Variants in GHR observed in about 807,000 individuals in gnomAD.
The protein encoded by GHR is growth hormone receptor, also known as GH receptor.
A neutral mutation model predicts 67.1 loss-of-function variants in GHR; 35 were observed. That is an observed-to-expected ratio of 0.52 (90% CI 0.40 to 0.69). The LOEUF (loss-of-function observed/expected upper bound fraction) is 0.69. Ranked by LOEUF, GHR falls within the 30% of genes least tolerant of loss-of-function variation. The pLI is 0.00. For synonymous variants in GHR, 272 were observed against 269.1 expected (o/e 1.01, Z -0.10); for missense variants, 792 against 764.6 (o/e 1.04, Z -0.42).
At chr5:42,523,678 A>C (rs1287662009) in intron 1 of GHR, among the ~76,000 whole-genome samples, 1 of 152,062 alleles carries the variant, frequency 6.6e-6, no homozygotes, top group African/African-American at 2.4e-5. Flanking sequence ...TATTGAAATT[A>C]GGAGCGTTAA....
intron 3 of GHR, among the ~76,000 whole-genome samples, chr5:42,684,820 G>A (rs1433027256): frequency 6.6e-6 from 1 of 152,086 alleles, no homozygotes; most frequent in African/African-American, 2.4e-5. Flanking sequence ...TGTGCTCCCA[G>A]GGCTAAAGAC....
intron 3 of GHR, among the ~76,000 whole-genome samples, chr5:42,683,330 T>G (rs1369726222): frequency 6.6e-6 from 1 of 152,196 alleles, no homozygotes; most frequent in Non-Finnish European, 1.5e-5. Flanking sequence ...ACTGAGGGCC[T>G]CTACTTCTTG....
At chr5:42,648,473 A>T (rs1754854679) in intron 3 of GHR, among the ~76,000 whole-genome samples, 1 of 152,100 alleles carries the variant, frequency 6.6e-6, no homozygotes, top group African/African-American at 2.4e-5. Flanking sequence ...CAACACATGT[A>T]TTGGAGGATA....
At chr5:42,700,844 T>C (rs1757897683) in intron 6 of GHR, among the ~76,000 whole-genome samples, 1 of 152,054 alleles carries the variant, frequency 6.6e-6, no homozygotes, top group Admixed American at 6.6e-5. Flanking sequence ...AAAGTTAAGT[T>C]TGGAGGAAAT....
chr5:42,531,989 T>C (rs1747992907), intron 1 of GHR, among the ~76,000 whole-genome samples: 1 of 152,124 alleles, frequency 6.6e-6, no homozygotes, highest in African/African-American at 2.4e-5. Context: ...TAGCTTTTTT[T>C]TTTTTTGGCA....
At chr5:42,551,077 C>T (rs750089287) in intron 1 of GHR, among the ~76,000 whole-genome samples, 26 of 152,288 alleles carry the variant, frequency 1.7e-4, no homozygotes, top group Middle Eastern at 3.4e-3. Context: ...GATCCCCTCC[C>T]GCACGCATAC....
intron 1 of GHR, chr5:42,466,886 G>A: frequency 2.7e-6 from 4 of 1,467,690 alleles, no homozygotes; most frequent in South Asian, 3.1e-5. Flanking sequence ...TTCCTTACTT[G>A]TTGTTCAACA....
chr5:42,661,162 C>T (rs1040731711), intron 3 of GHR, among the ~76,000 whole-genome samples: 1 of 152,118 alleles, frequency 6.6e-6, no homozygotes, highest in African/African-American at 2.4e-5. Context: ...AGAATGGAAC[C>T]AAGTTGGAAA....
At chr5:42,604,170 G>A (rs982756240) in intron 2 of GHR, among the ~76,000 whole-genome samples, 1 of 152,234 alleles carries the variant, frequency 6.6e-6, no homozygotes, top group Non-Finnish European at 1.5e-5. Context: ...ACATGTAGAT[G>A]AGTTCTTGTT....
In GHR at chr5:42,590,837, G is replaced by A. The variant is rs144211394; in HGVS notation, c.70+24893G>A. On this transcript the variant is annotated intron_variant, in intron 2 of 9. Transcript: ENST00000230882. ...TGAGGCTGGAACAAGGTGTACAGAA[G>A]TGAAATGACCACTTGCTTTCTCTAT... Among the ~76,000 whole-genome samples the A allele has an allele frequency of 2.6e-5, 4 of 152,338 alleles. No homozygotes were observed. The East Asian group carries it at 7.7e-4, about 29-fold the overall frequency.
intron 1 of GHR, among the ~76,000 whole-genome samples, chr5:42,473,617 G>A (rs1024198851): frequency 1.3e-5 from 2 of 152,100 alleles, no homozygotes; most frequent in Non-Finnish European, 2.9e-5. Context: ...AGTGGATCAC[G>A]CCTGTAATCC....
intron 7 of GHR, among the ~76,000 whole-genome samples, chr5:42,713,099 A>G (rs533656606): frequency 3.1e-4 from 47 of 152,164 alleles, no homozygotes; most frequent in South Asian, 1.2e-3. Context: ...TTTTTACTGA[A>G]GCTGAAACCT....
chr5:42,500,946 TA>T (rs1234978628), intron 1 of GHR, among the ~76,000 whole-genome samples: 1 of 152,068 alleles, frequency 6.6e-6, no homozygotes, highest in Non-Finnish European at 1.5e-5. Flanking sequence ...TGAAAACAAC[TA>T]AAAAGTGAGG....
chr5:42,459,589 T>C (rs1014784671), intron 1 of GHR, among the ~76,000 whole-genome samples: 1 of 152,028 alleles, frequency 6.6e-6, no homozygotes, highest in African/African-American at 2.4e-5. Context: ...AGTGGCAAAA[T>C]AATCTGTACA....
chr5:42,567,767 C>CTGTGTGTGTGTG (rs68150223), intron 2 of GHR, among the ~76,000 whole-genome samples: 7 of 140,730 alleles, frequency 5.0e-5, no homozygotes, highest in Non-Finnish European at 7.7e-5. Context: ...ATGCTTGGCT[C>CTGTGTGTGTGTG]TGTGTGTGTG....
At chr5:42,634,214 A>G (rs1754059926) in intron 3 of GHR, among the ~76,000 whole-genome samples, 1 of 152,142 alleles carries the variant, frequency 6.6e-6, no homozygotes, top group African/African-American at 2.4e-5. Context: ...GATATATTTA[A>G]AGTAGTTAGA....
chr5:42,522,520 T>C (rs1301781862), intron 1 of GHR, among the ~76,000 whole-genome samples: 1 of 152,214 alleles, frequency 6.6e-6, no homozygotes, highest in Admixed American at 6.5e-5. Flanking sequence ...GAAACTGATA[T>C]ATTCTGTTTA....
chr5:42,688,941 C>G lies in GHR; in HGVS notation c.188C>G (p.Thr63Ser). 1 of 1,613,298 alleles carries G rather than the reference C, an allele frequency of 6.2e-7. No individual in the cohort carries two copies. The highest frequency in any genetic ancestry group is 8.5e-7 in the Non-Finnish European group (1 of 1,179,254). The change falls in exon 4 of 10, where the codon ACT (threonine) becomes AGT (serine). Residue 63 changes from threonine to serine, a missense_variant. Coordinates refer to ENST00000230882, the MANE Select transcript of GHR (RefSeq NM_000163.5). ...AAGTGCCGTTCACCTGAGCGAGAGA[C>G]TTTTTCATGCCACTGGACAGATGAG... The part of the protein sequence containing the change: ...FTKCRSPERE[T>S]FSCHWTDEVH...
At chr5:42,678,848 C>T (rs1756694606) in intron 3 of GHR, among the ~76,000 whole-genome samples, 1 of 151,332 alleles carries the variant, frequency 6.6e-6, no homozygotes, top group East Asian at 1.9e-4. Context: ...TCATTGCAGG[C>T]AGTAATTTTG....
Sources: allele counts gnomAD v4.1 joint callset (sites outside exome capture counted in the v4.1 genomes callset), GRCh38; gene constraint gnomAD v4.1.1; transcripts MANE v1.5; gene names NCBI Gene and HGNC (gene_info 2026-07-23, HGNC 2026-07-21).